Variants in HMGB1 observed in about 807,000 individuals in gnomAD.
The protein encoded by HMGB1 is high mobility group box 1.
For synonymous variants in HMGB1, 81 were observed against 84.0 expected (o/e 0.96, Z 0.19); for missense variants, 79 against 253.5 (o/e 0.31, Z 4.67).
chr13:30,589,744 C>T (rs1467347079), intron 1 of HMGB1, among the ~76,000 whole-genome samples: 1 of 152,106 alleles, frequency 6.6e-6, no homozygotes. Context: ...GTGGTACACA[C>T]CTGTAATCCC....
intron 1 of HMGB1, among the ~76,000 whole-genome samples, chr13:30,485,263 T>C: frequency 6.6e-6 from 1 of 152,194 alleles, no homozygotes; most frequent in Non-Finnish European, 1.5e-5. Flanking sequence ...ACTCCTGACC[T>C]CAAGGAATCC....
At chr13:30,561,242 T>C (rs1298737194) in intron 1 of HMGB1, among the ~76,000 whole-genome samples, 2 of 152,144 alleles carry the variant, frequency 1.3e-5, no homozygotes, top group Non-Finnish European at 2.9e-5. Context: ...TGGTCAACAG[T>C]GACTTTCTAG....
intron 1 of HMGB1, among the ~76,000 whole-genome samples, chr13:30,493,664 C>T (rs1033773432): frequency 7.2e-5 from 11 of 152,022 alleles, no homozygotes; most frequent in Admixed American, 4.6e-4. Context: ...CCAGGCGAGG[C>T]GCACACGCCT....
chr13:30,544,903 T>C (rs1186843749), intron 1 of HMGB1, among the ~76,000 whole-genome samples: 1 of 152,224 alleles, frequency 6.6e-6, no homozygotes, highest in Non-Finnish European at 1.5e-5. Flanking sequence ...TGGCGCTTAC[T>C]GTGCTCTGTT....
chr13:30,473,779 A>G (rs1404862494), intron 1 of HMGB1, among the ~76,000 whole-genome samples: 1 of 152,198 alleles, frequency 6.6e-6, no homozygotes, highest in Non-Finnish European at 1.5e-5. Flanking sequence ...AAACAAAAAC[A>G]TGTCCACACA....
At chr13:30,519,221 C>T (rs149508653) in intron 1 of HMGB1, among the ~76,000 whole-genome samples, 7,886 of 150,942 alleles carry the variant, frequency 0.052, 242 homozygotes, top group Middle Eastern at 0.11. Context: ...GGTGAAACCC[C>T]GTCTCTATTA....
intron 1 of HMGB1, among the ~76,000 whole-genome samples, chr13:30,572,412 T>C (rs546717143): frequency 3.3e-5 from 5 of 152,364 alleles, no homozygotes; most frequent in African/African-American, 4.8e-5. Flanking sequence ...TTATTTATTA[T>C]GAAATTTCAA....
chr13:30,462,505 C>G (rs3742305), intron 4 of HMGB1, 33 bp downstream of exon 4: 381,309 of 1,558,380 alleles, frequency 0.24, 49,698 homozygotes, highest in Non-Finnish European at 0.27. Flanking sequence ...GCGTACTTGT[C>G]ATCATTTTAC....
intron 1 of HMGB1, among the ~76,000 whole-genome samples, chr13:30,487,249 G>A (rs1310498039): frequency 6.6e-6 from 1 of 152,160 alleles, no homozygotes; most frequent in African/African-American, 2.4e-5. Context: ...CTCTTCAGAG[G>A]CCAGTGCCCC....
intron 1 of HMGB1, among the ~76,000 whole-genome samples, chr13:30,475,622 C>T (rs893581242): frequency 1.3e-5 from 2 of 151,962 alleles, no homozygotes; most frequent in Non-Finnish European, 2.9e-5. Context: ...ATTGTTTGAG[C>T]CCGGGAGTTT....
At chr13:30,554,411 T>A in intron 1 of HMGB1, 1 of 819,642 alleles carries the variant, frequency 1.2e-6, no homozygotes, top group South Asian at 1.4e-5. Context: ...TAAACAAGTG[T>A]TATTGAACAT....
intron 1 of HMGB1, among the ~76,000 whole-genome samples, chr13:30,493,947 A>T (rs1465820221): frequency 2.1e-5 from 3 of 144,982 alleles, no homozygotes; most frequent in African/African-American, 8.5e-5. Context: ...AATGTCATTA[A>T]AAAAAAAAAT....
chr13:30,522,799 T>A (rs1305622774), intron 1 of HMGB1, among the ~76,000 whole-genome samples: 2 of 151,350 alleles, frequency 1.3e-5, no homozygotes, highest in Non-Finnish European at 2.9e-5. Flanking sequence ...TGGTGCAACC[T>A]CCACTTCCCA....
At chr13:30,533,201 C>T (rs1170829630) in intron 1 of HMGB1, among the ~76,000 whole-genome samples, 1 of 152,160 alleles carries the variant, frequency 6.6e-6, no homozygotes. Flanking sequence ...GCCAATGTAC[C>T]ATGCAGGGAG....
chr13:30,572,485 C>G (rs1469890576), intron 1 of HMGB1, among the ~76,000 whole-genome samples: 2 of 152,188 alleles, frequency 1.3e-5, no homozygotes, highest in Non-Finnish European at 2.9e-5. Flanking sequence ...TTCAAGACTT[C>G]ATGATCCATG....
rs776923842 is a variant in HMGB1, at chr13:30,474,959, GTTTTTTT to G, written c.-14-11272_-14-11266del. On this transcript the variant is annotated intron_variant, in intron 1 of 4. Transcript: ENST00000405805. ...TCTTTTTTTTTTCTTTTCTTTTTTT[GTTTTTTT>G]TTTTTTTTTTTTTTTGAGACAGGGT... Among the ~76,000 whole-genome samples the G allele has an allele frequency of 7.8e-5, 5 of 64,044 alleles. No individual in the cohort carries two copies. The East Asian group carries it at 2.8e-3, about 36-fold the overall frequency. The allele number at this position is 64,044 out of a possible 152,430, so 42.0% of individuals were successfully genotyped here. A position where few individuals can be genotyped will look rare whatever the true frequency, so the allele number is the denominator to read the frequency against.
At chr13:30,574,452 C>A (rs890299390) in intron 1 of HMGB1, among the ~76,000 whole-genome samples, 32 of 151,752 alleles carry the variant, frequency 2.1e-4, no homozygotes, top group African/African-American at 7.2e-4. Flanking sequence ...TAAATGAATT[C>A]TCTTGTGATA....
intron 1 of HMGB1, among the ~76,000 whole-genome samples, chr13:30,483,793 T>C (rs1887295121): frequency 1.3e-5 from 2 of 151,956 alleles, no homozygotes; most frequent in African/African-American, 4.8e-5. Flanking sequence ...TTTAAATTTT[T>C]TGTAGAGATG....
chr13:30,510,097 A>G (rs1887956298), intron 1 of HMGB1, among the ~76,000 whole-genome samples: 1 of 151,914 alleles, frequency 6.6e-6, no homozygotes, highest in East Asian at 1.9e-4. Flanking sequence ...TGCATCCCGT[A>G]CTCTTCCTCC....
Sources: gnomAD v4.1 joint callset for allele counts (sites outside exome capture counted in the v4.1 genomes callset) on GRCh38, gnomAD v4.1.1 for gene constraint, MANE v1.5 for transcripts, NCBI Gene and HGNC (gene_info 2026-07-23, HGNC 2026-07-21) for gene names.